PDE4B: variants seen among roughly 807,000 people sequenced by gnomAD.
PDE4B encodes the protein phosphodiesterase 4B.
Under a neutral mutation model 82.2 loss-of-function variants are expected in PDE4B, and 20 were observed. The observed-to-expected ratio is 0.24, with a 90% CI of 0.17 to 0.35. The LOEUF is 0.35. PDE4B is among the 10% of genes least tolerant of loss of function. The pLI is 1.00. For synonymous variants in PDE4B, 320 were observed against 318.9 expected (o/e 1.00, Z -0.04); for missense variants, 655 against 907.2 (o/e 0.72, Z 3.57).
At chr1:66,092,968 G>A (rs755140766) in intron 3 of PDE4B, among the ~76,000 whole-genome samples, 42 of 151,994 alleles carry the variant, frequency 2.8e-4, no homozygotes, top group Non-Finnish European at 4.3e-4. Flanking sequence ...GAAAAAGTTC[G>A]GAAATGTGGT....
At chr1:66,359,462 G>A (rs183673380) in intron 9 of PDE4B, among the ~76,000 whole-genome samples, 2 of 152,306 alleles carry the variant, frequency 1.3e-5, no homozygotes, top group East Asian at 3.9e-4. Context: ...AGGAAATTCA[G>A]AATAGGGAAA....
At chr1:65,978,025 ATTTTT>A (rs5774781) in intron 3 of PDE4B, among the ~76,000 whole-genome samples, 1 of 104,762 alleles carries the variant, frequency 9.5e-6, no homozygotes, top group African/African-American at 3.5e-5. Context: ...TTAATTTTTA[ATTTTT>A]TTTTTTTTTT....
intron 3 of PDE4B, among the ~76,000 whole-genome samples, chr1:66,098,483 A>G (rs1285446746): frequency 1.3e-5 from 2 of 152,192 alleles, no homozygotes; most frequent in African/African-American, 2.4e-5. Flanking sequence ...GGCTGGAAGC[A>G]TAAGGCTAGA....
chr1:66,143,198 T>C (rs1201238546), intron 3 of PDE4B, among the ~76,000 whole-genome samples: 1 of 152,244 alleles, frequency 6.6e-6, no homozygotes, highest in African/African-American at 2.4e-5. Flanking sequence ...GGTTTGTCTT[T>C]GTTTCTAGTG....
intron 3 of PDE4B, among the ~76,000 whole-genome samples, chr1:66,108,499 G>A (rs1037948057): frequency 1.1e-4 from 17 of 152,168 alleles, no homozygotes; most frequent in African/African-American, 4.1e-4. Flanking sequence ...AATCAACAGA[G>A]TGAAGAGACA....
In PDE4B at chr1:65,944,969, A is replaced by G. The variant is rs565055417; in HGVS notation, c.281+26134A>G. Among the ~76,000 whole-genome samples the G allele has an allele frequency of 5.9e-5, 9 of 152,090 alleles. No individual in the cohort carries two copies. The East Asian group carries it at 1.5e-3, about 26-fold the overall frequency. On this transcript the variant is annotated intron_variant, in intron 3 of 16. Transcript: ENST00000341517. ...GAAAGAAGTTAACATATTCTCTGGG[A>G]TAATGTATCCTGATCATCAAGGAAA...
intron 4 of PDE4B, among the ~76,000 whole-genome samples, chr1:66,252,163 G>T (rs1653836236): frequency 6.6e-6 from 1 of 152,186 alleles, no homozygotes; most frequent in African/African-American, 2.4e-5. Flanking sequence ...TTCAGGCTTG[G>T]TCGAGAAGAT....
intron 1 of PDE4B, among the ~76,000 whole-genome samples, chr1:65,874,446 A>C (rs533522937): frequency 1.7e-3 from 256 of 152,286 alleles, no homozygotes; most frequent in African/African-American, 5.3e-3. Flanking sequence ...CAGAACTTCC[A>C]ACACTATGTT....
intron 3 of PDE4B, among the ~76,000 whole-genome samples, chr1:66,052,578 T>G (rs1655094559): frequency 6.7e-6 from 1 of 150,220 alleles, no homozygotes; most frequent in Non-Finnish European, 1.5e-5. Context: ...TTTGCCTTTC[T>G]TCTCTCTTTT....
At chr1:65,821,710 A>G (rs1328391377) in intron 1 of PDE4B, among the ~76,000 whole-genome samples, 1 of 152,184 alleles carries the variant, frequency 6.6e-6, no homozygotes, top group Non-Finnish European at 1.5e-5. Flanking sequence ...TCATTCTGCA[A>G]TCTAAAATTG....
intron 6 of PDE4B, among the ~76,000 whole-genome samples, chr1:66,263,151 G>A (rs953529779): frequency 1.3e-5 from 2 of 152,228 alleles, no homozygotes; most frequent in African/African-American, 4.8e-5. Context: ...TCATAGATGA[G>A]TTGAAGAGAA....
intron 3 of PDE4B, among the ~76,000 whole-genome samples, chr1:66,020,673 C>A (rs1005126405): frequency 1.3e-5 from 2 of 152,136 alleles, no homozygotes; most frequent in African/African-American, 4.8e-5. Flanking sequence ...GCATAGTATT[C>A]CATGGTGTAT....
rs1184556076 is a variant in PDE4B, at chr1:66,112,284, G to T, written c.282-135176G>T. On this transcript the variant is annotated intron_variant, in intron 3 of 16. Transcript: ENST00000341517. ...TAATGTTCTTGTATTGCTTGCTTTT[G>T]TACTTTTCATTTAGATCATTTATTA... 7.9e-5 allele frequency among the ~76,000 whole-genome samples: 12 copies of T among 151,996 alleles called. No individual in the cohort carries two copies. The East Asian group carries it at 2.3e-3, about 29-fold the overall frequency.
At chr1:66,087,003 A>G (rs766133203) in intron 3 of PDE4B, among the ~76,000 whole-genome samples, 2 of 152,160 alleles carry the variant, frequency 1.3e-5, no homozygotes, top group Non-Finnish European at 2.9e-5. Flanking sequence ...CTGCATGTAC[A>G]AGGGCATGGA....
chr1:66,257,529 A>G (rs1220103518), intron 4 of PDE4B, 118 bp from the exon 5 acceptor site: 1 of 1,021,802 alleles, frequency 9.8e-7, no homozygotes. Context: ...ATATCCAGGT[A>G]GAAGAACTTG....
rs114406184 is a variant in PDE4B at position 66,337,966 on chromosome 1, T to C, written c.747+5346T>C. Among the ~76,000 whole-genome samples the C allele has an allele frequency of 7.0e-3, 1,060 of 152,322 alleles. 18 individuals carry two copies. The highest frequency in any genetic ancestry group is 0.024 in the African/African-American group (1,008 of 41,566). On this transcript the variant is annotated intron_variant, in intron 8 of 16. Coordinates refer to ENST00000341517, the MANE Select transcript of PDE4B (RefSeq NM_002600.4). ...ATAGTAATATAGACAATAAAACTATTTGGAATCTTTCCATATTCTCTTCTA... is the reference window on the plus strand; with the variant it reads ...ATAGTAATATAGACAATAAAACTATCTGGAATCTTTCCATATTCTCTTCTA...
chr1:66,180,097 G>T (rs1647028489), intron 3 of PDE4B, among the ~76,000 whole-genome samples: 1 of 152,192 alleles, frequency 6.6e-6, no homozygotes, highest in Non-Finnish European at 1.5e-5. Context: ...ACAGAAATGA[G>T]TAACATGTTA....
At chr1:66,271,519 C>G (rs1052491920) in intron 7 of PDE4B, among the ~76,000 whole-genome samples, 1 of 152,160 alleles carries the variant, frequency 6.6e-6, no homozygotes, top group African/African-American at 2.4e-5. Flanking sequence ...GATACAGACA[C>G]GTTTTTTACA....
intron 6 of PDE4B, 52 bp downstream of exon 6, chr1:66,257,915 A>T: frequency 1.7e-6 from 2 of 1,179,314 alleles, no homozygotes; most frequent in African/African-American, 1.5e-5. Context: ...AAGGCAAAAA[A>T]TATTGAGCAG....
Sources: allele counts gnomAD v4.1 joint callset (sites outside exome capture counted in the v4.1 genomes callset), GRCh38; gene constraint gnomAD v4.1.1; transcripts MANE v1.5; gene names NCBI Gene and HGNC (gene_info 2026-07-23, HGNC 2026-07-21).